B3GALT1: variants seen among roughly 807,000 people sequenced by gnomAD.
B3GALT1 encodes the protein beta-1,3-galactosyltransferase 1.
In B3GALT1, 10 loss-of-function variants were observed where a neutral mutation model predicts 23.2. The observed-to-expected ratio is 0.43, with a 90% CI of 0.27 to 0.73. B3GALT1 has a LOEUF of 0.73. B3GALT1 is among the 30% of genes least tolerant of loss of function. B3GALT1 has a pLI of 0.21. For synonymous variants in B3GALT1, 156 were observed against 141.5 expected (o/e 1.10, Z -0.73); for missense variants, 299 against 405.4 (o/e 0.74, Z 2.25).
At chr2:167,301,630 A>T (rs1024373607) in intron 1 of B3GALT1, among the ~76,000 whole-genome samples, 5 of 152,204 alleles carry the variant, frequency 3.3e-5, no homozygotes, top group Non-Finnish European at 5.9e-5. Context: ...AGCTCACTGC[A>T]ACCTCTGCCT....
At chr2:167,523,436 T>C (rs919272799) in intron 2 of B3GALT1, among the ~76,000 whole-genome samples, 5 of 151,986 alleles carry the variant, frequency 3.3e-5, no homozygotes, top group Non-Finnish European at 5.9e-5. Context: ...CTTTTTTTTT[T>C]TTTTTGAGAC....
At chr2:167,817,480 G>A (rs1042069528) in intron 3 of B3GALT1, among the ~76,000 whole-genome samples, 3 of 152,130 alleles carry the variant, frequency 2.0e-5, no homozygotes, top group African/African-American at 2.4e-5. Flanking sequence ...ACCTAGAAAG[G>A]TTAAGTATCA....
At chr2:167,467,442 G>C (rs1004352845) in intron 1 of B3GALT1, among the ~76,000 whole-genome samples, 2 of 152,006 alleles carry the variant, frequency 1.3e-5, no homozygotes, top group Non-Finnish European at 2.9e-5. Context: ...TTAGAAGAAG[G>C]CTGCCTTATT....
chr2:167,713,834 T>C (rs1687101097), intron 3 of B3GALT1: 2 of 1,592,994 alleles, frequency 1.3e-6, no homozygotes, highest in East Asian at 4.5e-5. Context: ...AAATGGAGCA[T>C]GTGGTGGACC....
At chr2:167,715,635 C>T (rs2105522516) in intron 3 of B3GALT1, 1 of 1,613,842 alleles carries the variant, frequency 6.2e-7, no homozygotes, top group South Asian at 1.1e-5. Flanking sequence ...CAGAGGATTT[C>T]ATCCTCAAGT....
At chr2:167,798,345 A>C (rs567681835) in intron 3 of B3GALT1, among the ~76,000 whole-genome samples, 1 of 152,302 alleles carries the variant, frequency 6.6e-6, no homozygotes, top group East Asian at 1.9e-4. Context: ...TGTTTTCATC[A>C]TGAAATCTTT....
rs559564749 is a variant in B3GALT1, at chr2:167,466,394, G to T, written c.-510-23783G>T. 2.0e-5 allele frequency among the ~76,000 whole-genome samples: 3 copies of T among 151,974 alleles called. No homozygotes were observed. The East Asian group carries it at 5.9e-4, about 30-fold the overall frequency. On this transcript the variant is annotated intron_variant, in intron 1 of 4. Coordinates refer to ENST00000392690, the MANE Select transcript of B3GALT1 (RefSeq NM_020981.4). ...GCACTTTGGGAGGCTGAGGAGGGTG[G>T]ATCACCTGAGGTCAGGAGTTCAAGA...
intron 1 of B3GALT1, among the ~76,000 whole-genome samples, chr2:167,395,626 A>G (rs529195864): frequency 6.6e-6 from 1 of 152,124 alleles, no homozygotes; most frequent in African/African-American, 2.4e-5. Flanking sequence ...TTAAGCTACT[A>G]AGTGTGGGTA....
At chr2:167,508,673 C>T (rs1441576188) in intron 2 of B3GALT1, among the ~76,000 whole-genome samples, 4 of 151,328 alleles carry the variant, frequency 2.6e-5, no homozygotes, top group African/African-American at 9.7e-5. Flanking sequence ...TGGCATACAC[C>T]AAAATGTGTT....
intron 3 of B3GALT1, among the ~76,000 whole-genome samples, chr2:167,668,065 C>G (rs1214480248): frequency 6.6e-6 from 1 of 152,120 alleles, no homozygotes; most frequent in Non-Finnish European, 1.5e-5. Flanking sequence ...TGTTTTTTCC[C>G]CATCTTTGTG....
chr2:167,297,247 G>A (rs1212205493), intron 1 of B3GALT1, among the ~76,000 whole-genome samples: 3 of 152,058 alleles, frequency 2.0e-5, no homozygotes, highest in Non-Finnish European at 1.5e-5. Flanking sequence ...ATTTATGACT[G>A]TGCAAAGTCA....
chr2:167,527,821 A>G (rs967035265), intron 2 of B3GALT1, among the ~76,000 whole-genome samples: 37 of 152,184 alleles, frequency 2.4e-4, no homozygotes, highest in African/African-American at 8.4e-4. Context: ...CTGCATATGT[A>G]ACGGCAATGT....
At chr2:167,319,505 G>C (rs1044913983) in intron 1 of B3GALT1, among the ~76,000 whole-genome samples, 1 of 152,000 alleles carries the variant, frequency 6.6e-6, no homozygotes, top group African/African-American at 2.4e-5. Flanking sequence ...AATGGCCACT[G>C]TAATAAGAGA....
chr2:167,449,507 G>C (rs890444593), intron 1 of B3GALT1, among the ~76,000 whole-genome samples: 2 of 151,960 alleles, frequency 1.3e-5, no homozygotes. Context: ...AAGTCTTTAG[G>C]GTTTTCTAGA....
intron 3 of B3GALT1, among the ~76,000 whole-genome samples, chr2:167,744,130 G>A (rs953356069): frequency 6.6e-6 from 1 of 152,096 alleles, no homozygotes; most frequent in Non-Finnish European, 1.5e-5. Flanking sequence ...AATGGCCTAT[G>A]AGTACCAATG....
At chr2:167,446,056 C>A (rs1023766017) in intron 1 of B3GALT1, among the ~76,000 whole-genome samples, 37 of 152,278 alleles carry the variant, frequency 2.4e-4, no homozygotes, top group African/African-American at 8.9e-4. Flanking sequence ...TAAGGCAGAC[C>A]TGGTGGTGAC....
chr2:167,673,161 C>A (rs1332439168), intron 3 of B3GALT1, among the ~76,000 whole-genome samples: 1 of 152,020 alleles, frequency 6.6e-6, no homozygotes, highest in Non-Finnish European at 1.5e-5. Flanking sequence ...GGGAAAGATT[C>A]CTTTCTACCA....
In B3GALT1 at chr2:167,410,244, G is replaced by T. The variant is rs143160602; in HGVS notation, c.-510-79933G>T. On this transcript the variant is annotated intron_variant, in intron 1 of 4. Transcript: ENST00000392690. ...TGTGGCCGGGTGCGGTGGCTCACAC[G>T]TGTAATCCCAGCACTTTGGGAGGCC... is the stretch of plus-strand genomic sequence containing the variant. Among the ~76,000 whole-genome samples the T allele has an allele frequency of 2.1e-4, 32 of 151,902 alleles. 1 individual carries two copies. Among genetic ancestry groups the T allele is most frequent in the South Asian group, 6.2e-4 (3 of 4,808 alleles).
rs571672610 is a variant in B3GALT1, at chr2:167,631,957, C to G, written c.-409-14952C>G. Among the ~76,000 whole-genome samples, 4 of 151,800 alleles carry G rather than the reference C, an allele frequency of 2.6e-5. No homozygotes were observed. In the South Asian group the frequency reaches 8.3e-4, roughly 32 times the overall value. On this transcript the variant is annotated intron_variant, in intron 2 of 4. Transcript: ENST00000392690. ...CTATCCCTCCCCTACCCCCCACCCA[C>G]TGACAGGCCCCGGTGTGTGATGTTC... is the stretch of plus-strand genomic sequence containing the variant.
Sources: gnomAD v4.1 joint callset for allele counts (sites outside exome capture counted in the v4.1 genomes callset) on GRCh38, gnomAD v4.1.1 for gene constraint, MANE v1.5 for transcripts, NCBI Gene and HGNC (gene_info 2026-07-23, HGNC 2026-07-21) for gene names.